MIR2052HG: variants seen among roughly 807,000 people sequenced by gnomAD.
MIR2052HG encodes MIR2052 host gene.
At chr8:74,756,964 AG>A (rs1345790838) in intron 5 of MIR2052HG, 7 of 152,256 alleles carry the variant, frequency 4.6e-5, no homozygotes, top group Admixed American at 1.3e-4. Context: ...GCCAGCTAGA[AG>A]GATCAGGGAC....
chr8:74,754,895 G>A (rs543669079), intron 5 of MIR2052HG, among the ~76,000 whole-genome samples: 1 of 152,280 alleles, frequency 6.6e-6, no homozygotes, highest in African/African-American at 2.4e-5. Context: ...ATAAATATTA[G>A]GGTGATCTGT....
At chr8:74,642,021 TGG>T (rs1808643846) in intron 2 of MIR2052HG, among the ~76,000 whole-genome samples, 1 of 151,976 alleles carries the variant, frequency 6.6e-6, no homozygotes, top group Non-Finnish European at 1.5e-5. Flanking sequence ...GGGTGACTGG[TGG>T]TGTACTATGT....
intron 2 of MIR2052HG, among the ~76,000 whole-genome samples, chr8:74,689,059 T>C (rs1447132069): frequency 2.0e-5 from 3 of 152,230 alleles, no homozygotes; most frequent in Admixed American, 6.5e-5. Flanking sequence ...AGTTTTGCTT[T>C]TCCTTGAATT....
chr8:74,655,727 C>A (rs4735740), intron 2 of MIR2052HG, among the ~76,000 whole-genome samples: 37 of 152,062 alleles, frequency 2.4e-4, no homozygotes, highest in Non-Finnish European at 4.7e-4. Context: ...TTGGATCCCC[C>A]CCAAACACAC....
At chr8:74,617,359 T>C (rs1179574538) in intron 2 of MIR2052HG, among the ~76,000 whole-genome samples, 1 of 152,192 alleles carries the variant, frequency 6.6e-6, no homozygotes, top group East Asian at 1.9e-4. Context: ...TTTCTGTTCC[T>C]GAGTTATTTT....
intron 4 of MIR2052HG, among the ~76,000 whole-genome samples, chr8:74,715,591 T>C (rs1209788101): frequency 6.6e-6 from 1 of 152,224 alleles, no homozygotes; most frequent in East Asian, 1.9e-4. Context: ...TGGGTTTCTC[T>C]CCCATGCACA....
chr8:74,604,157 C>G, intron 1 of MIR2052HG: 1 of 891,690 alleles, frequency 1.1e-6, no homozygotes, highest in Admixed American at 1.7e-5. Flanking sequence ...CCTTTCTTTC[C>G]GATGATACTG....
At chr8:74,676,667 G>T (rs1277070565) in intron 2 of MIR2052HG, among the ~76,000 whole-genome samples, 4 of 151,704 alleles carry the variant, frequency 2.6e-5, no homozygotes, top group Admixed American at 6.6e-5. Context: ...TTATTAGATA[G>T]GTTTAAAAAT....
chr8:74,740,907 A>G (rs1809821226), intron 4 of MIR2052HG, among the ~76,000 whole-genome samples: 1 of 152,240 alleles, frequency 6.6e-6, no homozygotes. Flanking sequence ...TGATAGTTCC[A>G]GATTAAATAT....
At chr8:74,689,633 C>T (rs919711353) in intron 2 of MIR2052HG, among the ~76,000 whole-genome samples, 8 of 152,146 alleles carry the variant, frequency 5.3e-5, no homozygotes, top group Non-Finnish European at 1.5e-5. Flanking sequence ...TTCATTTGAT[C>T]ACTTCTACAT....
chr8:74,621,290 T>G (rs1808357994), intron 2 of MIR2052HG, among the ~76,000 whole-genome samples: 2 of 152,212 alleles, frequency 1.3e-5, no homozygotes, highest in Admixed American at 1.3e-4. Context: ...ACTGTTCCAA[T>G]CTGTGCTTGT....
chr8:74,676,908 G>C (rs146770662), intron 2 of MIR2052HG, among the ~76,000 whole-genome samples: 1 of 152,032 alleles, frequency 6.6e-6, no homozygotes, highest in East Asian at 1.9e-4. Context: ...ATGTCATGTT[G>C]TATAGCCTAA....
intron 2 of MIR2052HG, among the ~76,000 whole-genome samples, chr8:74,645,580 C>T (rs1563521786): frequency 1.3e-5 from 2 of 152,164 alleles, no homozygotes; most frequent in African/African-American, 2.4e-5. Flanking sequence ...CCACTGCGCC[C>T]GGCCTAGAAG....
At chr8:74,659,956 G>A (rs910869687) in intron 2 of MIR2052HG, among the ~76,000 whole-genome samples, 16 of 152,118 alleles carry the variant, frequency 1.1e-4, no homozygotes, top group Admixed American at 9.2e-4. Flanking sequence ...TTCAGTTAGT[G>A]TTCTTTTGGT....
chr8:74,688,218 G>T (rs1486955390), intron 2 of MIR2052HG, among the ~76,000 whole-genome samples: 5 of 152,150 alleles, frequency 3.3e-5, no homozygotes, highest in African/African-American at 1.2e-4. Flanking sequence ...TTTAGATTTA[G>T]TAGAATTAAA....
chr8:74,753,167 G>C (rs1809965693), intron 5 of MIR2052HG, among the ~76,000 whole-genome samples: 1 of 152,190 alleles, frequency 6.6e-6, no homozygotes, highest in East Asian at 1.9e-4. Context: ...ATTCTAATGA[G>C]CATTTGGTGC....
chr8:74,677,845 AG>A (rs770941007), intron 2 of MIR2052HG, among the ~76,000 whole-genome samples: 1 of 152,182 alleles, frequency 6.6e-6, no homozygotes, highest in Non-Finnish European at 1.5e-5. Flanking sequence ...TTTATAAACT[AG>A]CAAGGGCAAA....
intron 4 of MIR2052HG, among the ~76,000 whole-genome samples, chr8:74,711,909 G>A (rs547266057): frequency 2.6e-5 from 4 of 152,136 alleles, no homozygotes; most frequent in Non-Finnish European, 1.5e-5. Flanking sequence ...CTGGGATGGT[G>A]CTGAATGCAC....
At chr8:74,637,004 A>C (rs533958882) in intron 2 of MIR2052HG, among the ~76,000 whole-genome samples, 243 of 152,286 alleles carry the variant, frequency 1.6e-3, no homozygotes, top group Non-Finnish European at 2.5e-3. Context: ...TAAAGAACTC[A>C]TAATATAATG....
Sources: gnomAD v4.1 joint callset for allele counts (sites outside exome capture counted in the v4.1 genomes callset) on GRCh38, gnomAD v4.1.1 for gene constraint, MANE v1.5 for transcripts, NCBI Gene and HGNC (gene_info 2026-07-23, HGNC 2026-07-21) for gene names.